Variants in APOB observed in about 807,000 individuals in gnomAD.
APOB encodes apolipoprotein B-100.
Under a neutral mutation model 314.1 loss-of-function variants are expected in APOB, and 153 were observed. The ratio of observed to expected loss-of-function variants is 0.49; its 90% CI spans 0.43 to 0.56. APOB has a LOEUF of 0.56. Ranked by LOEUF, APOB falls within the 20% of genes least tolerant of loss-of-function variation. The pLI, the probability that APOB is intolerant of heterozygous loss-of-function variation, is 0.00. For missense variants in APOB, 5,430 were observed against 5,350.7 expected (o/e 1.01, Z -0.46); for synonymous variants, 2,087 against 2,036.4 (o/e 1.02, Z -0.67).
At chr2:21,030,524 C>A (rs1408672146) in intron 10 of APOB, among the ~76,000 whole-genome samples, 1 of 152,140 alleles carries the variant, frequency 6.6e-6, no homozygotes, top group African/African-American at 2.4e-5. Context: ...GGGAAAACTT[C>A]TCTGGACATT....
At chr2:21,028,596 CTGGCAAACACTGGCATTGTCTGCT>C in intron 12 of APOB, 58 bp from the exon 13 acceptor site, 1 of 1,106,430 alleles carries the variant, frequency 9.0e-7, no homozygotes, top group Non-Finnish European at 1.4e-6. Context: ...CAGAACATGC[CTGGCAAACACTGGCATTGTCTGCT>C]AGCTCTTTCT....
Position 21,010,185 on chromosome 2 carries a change from T to G in APOB, c.6683A>C (p.Asp2228Ala). 6.3e-7 allele frequency: 1 copy of G among 1,597,230 alleles called. No individual in the cohort carries two copies. The highest frequency in any genetic ancestry group is 8.6e-7 in the Non-Finnish European group (1 of 1,168,450). The change falls in exon 26 of 29, where the codon GAT (aspartate) becomes GCT (alanine). Residue 2228 changes from aspartate to alanine, a missense_variant. By Grantham distance (126) the Asp-to-Ala change is moderately radical. This residue lies in a region of APOB where 3,281 missense variants were observed against 3,171.0 expected (regional missense o/e 1.03). Coordinates refer to ENST00000233242, the MANE Select transcript of APOB (RefSeq NM_000384.3). ...AATATTTTCAATAAACAAATGTAGA[T>G]CATGGATTGTTTTTACTAAATTTAC... The part of the protein sequence containing the change: ...IRVNLVKTIH[D>A]LHLFIENIDF...
At chr2:21,027,801 A>G (rs747529201) in intron 14 of APOB, 27 bp downstream of exon 14, 3 of 1,554,790 alleles carry the variant, frequency 1.9e-6, no homozygotes, top group South Asian at 2.2e-5. Context: ...AAAATGGGCT[A>G]GAGAACCTCA....
intron 12 of APOB, 27 bp from the exon 13 acceptor site, chr2:21,028,565 C>T (rs751311548): frequency 1.3e-6 from 2 of 1,523,702 alleles, no homozygotes; most frequent in Admixed American, 3.3e-5. Context: ...AGATGGTTAT[C>T]ACTGTCCTGT....
chr2:21,019,075 T>A lies in APOB; in HGVS notation c.3038A>T (p.Gln1013Leu). 6.2e-7 allele frequency: 1 copy of A among 1,614,078 alleles called. No homozygotes were observed. The highest frequency in any genetic ancestry group is 8.5e-7 in the Non-Finnish European group (1 of 1,179,998). ...CTCATAGGTTGCGCTGACAGAATAC[T>A]GCTCAATCTCTCCTGTAGGCCTCAG... ...LELRPTGEIE[Q>L]YSVSATYELQ... The change falls in exon 20 of 29, where the codon CAG (glutamine) becomes CTG (leucine). Residue 1013 changes from glutamine to leucine, a missense_variant. By Grantham distance (113) the Gln-to-Leu change is moderately radical. Around this residue, in one of 3 missense-constraint regions of APOB, gnomAD observed 2,085 missense variants for 2,079.7 expected, o/e 1.00. Coordinates refer to ENST00000233242, the MANE Select transcript of APOB (RefSeq NM_000384.3).
intron 20 of APOB, among the ~76,000 whole-genome samples, chr2:21,017,456 C>T (rs1004996555): frequency 1.3e-5 from 2 of 152,138 alleles, no homozygotes; most frequent in Non-Finnish European, 2.9e-5. Context: ...GAAATTCTCT[C>T]TGATAAGGGC....
At chr2:21,035,813 A>G in intron 6 of APOB, 105 bp from the exon 7 acceptor site, 1 of 1,147,514 alleles carries the variant, frequency 8.7e-7, no homozygotes, top group Non-Finnish European at 1.3e-6. Flanking sequence ...ACCACTAGAT[A>G]AACTCAGAGA....
At position 21,043,879 on chromosome 2, in the gene APOB, C is replaced by CCAG. The variant is rs745520533; in HGVS notation, c.64_66dup (p.Leu22dup). ...GCGCACTCACCGGCCCTGGCGCCCGCCAGCAGCAGCAGCAGCAGCGCAGGC... is the reference window on the plus strand; with the variant it reads ...GCGCACTCACCGGCCCTGGCGCCCGCCAGCAGCAGCAGCAGCAGCAGCGCAGGC... On this transcript the variant is annotated inframe_insertion, in exon 1 of 29. Transcript: ENST00000233242. 4.8e-5 allele frequency: 68 copies of CCAG among 1,416,416 alleles called. No homozygotes were observed. Among genetic ancestry groups the CCAG allele is most frequent in the Middle Eastern group, 2.3e-4 (1 of 4,324 alleles). 87.7% of individuals were successfully genotyped at this position (1,416,416 alleles called of 1,614,324 possible).
Position 21,008,144 on chromosome 2 carries a change from G to A in APOB, c.8724C>T (p.Asn2908=), listed in dbSNP as rs755498745. 6 of 1,613,946 alleles carry A rather than the reference G, an allele frequency of 3.7e-6. No individual in the cohort carries two copies. The highest frequency in any genetic ancestry group is 5.1e-6 in the Non-Finnish European group (6 of 1,179,988). ...CAGCTTTCAACAGTGTCTTGATCTCGTTGCGCAGGTCAGCCTGACTAGAGA... is the reference window on the plus strand; with the variant it reads ...CAGCTTTCAACAGTGTCTTGATCTCATTGCGCAGGTCAGCCTGACTAGAGA... ...LDFSSQADLR[N]EIKTLLKAGH... Residue 2908 remains asparagine (N), a synonymous_variant, in exon 26 of 29, where the codon AAC becomes AAT. Transcript: ENST00000233242.
intron 26 of APOB, 73 bp downstream of exon 26, chr2:21,005,007 A>T: frequency 6.4e-7 from 1 of 1,573,556 alleles, no homozygotes; most frequent in Non-Finnish European, 8.7e-7. Context: ...TCACAACTAA[A>T]TACATAATTA....
Position 21,013,396 on chromosome 2 carries a change from C to T in APOB, c.3980G>A (p.Gly1327Glu), listed in dbSNP as rs773914667. 6.2e-7 allele frequency: 1 copy of T among 1,614,138 alleles called. No individual in the cohort carries two copies. The highest frequency in any genetic ancestry group is 8.5e-7 in the Non-Finnish European group (1 of 1,180,038). ...RTPALHFKSV[G>E]FHLPSREFQV... ...GAACTCTCGAGATGGCAGATGGAAT[C>T]CCACAGACTTGAAGTGGAGGGCTGG... is the stretch of plus-strand genomic sequence containing the variant. Residue 1327 changes from glycine (G) to glutamate (E), a missense_variant, in exon 25 of 29, where the codon GGA becomes GAA. Gly to Glu is a moderately conservative substitution (Grantham distance 98). Transcript: ENST00000233242.
At position 21,016,781 on chromosome 2, in the gene APOB, A is replaced by G. The variant is rs191090985; in HGVS notation, c.3122-132T>C. On this transcript the variant is annotated intron_variant, in intron 20 of 28. Transcript: ENST00000233242. ...GGGCAGATCATGAGGTCAGGAGATC[A>G]AGACCATTCTGGCTAACATGGTGAA... 6.2e-4 allele frequency: 434 copies of G among 702,996 alleles called. 2 individuals carry two copies. Among genetic ancestry groups the G allele is most frequent in the East Asian group, 2.5e-3 (93 of 37,420 alleles). 43.5% of individuals were successfully genotyped at this position (702,996 alleles called of 1,614,324 possible).
chr2:21,011,481 G>C lies in APOB; in HGVS notation c.5387C>G (p.Thr1796Ser), dbSNP rs529168934. The C allele has an allele frequency of 3.1e-5, 50 of 1,614,070 alleles. 1 individual carries two copies. The highest frequency in any genetic ancestry group is 3.3e-4 in the Middle Eastern group (2 of 6,084). ...LQLQPYSLVT[T>S]LNSDLKYNAL... is the part of the protein sequence containing the mutation. Reference sequence around the variant, plus strand: ...ATTGTATTTCAGGTCACTGTTTAAAGTAGTTACCAGAGAATAGGGCTGTAG... The same window carrying C: ...ATTGTATTTCAGGTCACTGTTTAAACTAGTTACCAGAGAATAGGGCTGTAG... The change falls in exon 26 of 29, where the codon ACT becomes AGT. Residue 1796 changes from threonine (T) to serine (S), a missense_variant. Physicochemically the swap from Thr to Ser is moderately conservative, Grantham distance 58 (BLOSUM62 1). Coordinates refer to ENST00000233242, the MANE Select transcript of APOB (RefSeq NM_000384.3).
At chr2:21,040,897 G>GAC (rs749192145) in intron 4 of APOB, 41 bp downstream of exon 4, 17 of 1,610,532 alleles carry the variant, frequency 1.1e-5, no homozygotes, top group Middle Eastern at 1.7e-4. Context: ...TACCTCAGCG[G>GAC]ACACACACAC....
intron 18 of APOB, among the ~76,000 whole-genome samples, chr2:21,020,976 T>A (rs911437705): frequency 6.6e-6 from 1 of 152,230 alleles, no homozygotes. Context: ...TCATCTCTCA[T>A]GTCTCACTCT....
In APOB at chr2:21,003,054, A is replaced by G. The variant is rs372018753; in HGVS notation, c.12368T>C (p.Ile4123Thr). 1.1e-5 allele frequency: 17 copies of G among 1,569,718 alleles called. No individual in the cohort carries two copies. The African/African-American group carries it at 1.4e-4, about 13-fold the overall frequency. The change falls in exon 29 of 29, where the codon ATT becomes ACT. Residue 4123 changes from isoleucine (I) to threonine (T), a missense_variant. Coordinates refer to ENST00000233242, the MANE Select transcript of APOB (RefSeq NM_000384.3). ...CTGGAACCTCACGTCGATATCATCA[A>G]TTTGCCTAATGGCCCCTTGATAAAC... ...EWVYQGAIRQ[I>T]DDIDVRFQKA...
intron 5 of APOB, 126 bp downstream of exon 5, chr2:21,037,832 C>T: frequency 8.0e-7 from 1 of 1,251,502 alleles, no homozygotes; most frequent in Non-Finnish European, 1.2e-6. Flanking sequence ...TCACGCCAAT[C>T]CAGGGCTTCC....
intron 4 of APOB, among the ~76,000 whole-genome samples, chr2:21,039,441 T>C (rs141164789): frequency 9.5e-4 from 144 of 152,344 alleles, no homozygotes; most frequent in African/African-American, 3.3e-3. Flanking sequence ...GATTTCCCAC[T>C]GGGTACTCTC....
chr2:21,004,578 G>T lies in APOB; in HGVS notation c.11886C>A (p.Gly3962=), dbSNP rs1160971611. Residue 3962 remains glycine (G), a synonymous_variant, in exon 27 of 29, where the codon GGC becomes GGA. Coordinates refer to ENST00000233242, the MANE Select transcript of APOB (RefSeq NM_000384.3). ...CTCCATACTGAAGTCCTTCATATTT[G>T]CCATCTTCTTCATATTCTGCACTGA... ...RDFSAEYEED[G]KYEGLQEWEG... The T allele has an allele frequency of 1.2e-6, 2 of 1,613,734 alleles. No individual in the cohort carries two copies. The highest frequency in any genetic ancestry group is 1.7e-6 in the Non-Finnish European group (2 of 1,179,704).
Sources: allele counts gnomAD v4.1 joint callset (sites outside exome capture counted in the v4.1 genomes callset), GRCh38; gene constraint gnomAD v4.1.1; regional missense constraint gnomAD v4.1.1; transcripts MANE v1.5; gene names NCBI Gene and HGNC (gene_info 2026-07-23, HGNC 2026-07-21).